Variants in ALDH1A2 observed in about 807,000 individuals in gnomAD.
The protein encoded by ALDH1A2 is retinal dehydrogenase 2.
Under a neutral mutation model 60.3 loss-of-function variants are expected in ALDH1A2, and 27 were observed. The ratio of observed to expected loss-of-function variants is 0.45; its 90% CI spans 0.33 to 0.62. The LOEUF is 0.62. ALDH1A2 is among the 20% of genes least tolerant of loss of function. The pLI is 0.02. For synonymous variants in ALDH1A2, 289 were observed against 232.4 expected (o/e 1.24, Z -2.21); for missense variants, 581 against 643.8 (o/e 0.90, Z 1.06).
At chr15:57,999,904 AC>A (rs1467149599) in intron 4 of ALDH1A2, among the ~76,000 whole-genome samples, 1 of 151,908 alleles carries the variant, frequency 6.6e-6, no homozygotes, top group Non-Finnish European at 1.5e-5. Context: ...TGGGATCATG[AC>A]CTTTGCAGGG....
chr15:58,023,561 G>A (rs1219546339), intron 1 of ALDH1A2, among the ~76,000 whole-genome samples: 2 of 147,896 alleles, frequency 1.4e-5, no homozygotes, highest in Admixed American at 1.4e-4. Flanking sequence ...AAAGCATCTA[G>A]TCACCTATAA....
intron 4 of ALDH1A2, among the ~76,000 whole-genome samples, chr15:58,003,930 C>A (rs1365063485): frequency 6.6e-6 from 1 of 151,730 alleles, no homozygotes; most frequent in Admixed American, 6.6e-5. Flanking sequence ...CATTGGGTAC[C>A]ATGGCAGGAA....
intron 1 of ALDH1A2, among the ~76,000 whole-genome samples, chr15:58,023,218 A>G (rs1420427592): frequency 2.6e-5 from 4 of 152,202 alleles, no homozygotes; most frequent in African/African-American, 9.6e-5. Flanking sequence ...AAAATCTTAG[A>G]ACCAGGCAAA....
At chr15:58,037,878 C>G (rs1896417359) in intron 1 of ALDH1A2, among the ~76,000 whole-genome samples, 1 of 151,710 alleles carries the variant, frequency 6.6e-6, no homozygotes, top group African/African-American at 2.4e-5. Context: ...ACTTTGATAT[C>G]AGTTGAACTC....
chr15:58,026,645 G>A (rs1896087739), intron 1 of ALDH1A2, among the ~76,000 whole-genome samples: 1 of 152,154 alleles, frequency 6.6e-6, no homozygotes, highest in South Asian at 2.1e-4. Flanking sequence ...TGTACGTGGA[G>A]GAACAGTACA....
chr15:58,018,691 T>C (rs990793944), intron 1 of ALDH1A2, among the ~76,000 whole-genome samples: 3 of 152,166 alleles, frequency 2.0e-5, no homozygotes, highest in East Asian at 3.8e-4. Flanking sequence ...GCAGCTGATA[T>C]GATATGCTGA....
chr15:58,002,313 C>T (rs182277684), intron 4 of ALDH1A2, among the ~76,000 whole-genome samples: 4 of 151,894 alleles, frequency 2.6e-5, no homozygotes, highest in Admixed American at 2.0e-4. Flanking sequence ...ACTATATTTG[C>T]GAACTACTGA....
chr15:57,969,526 T>C (rs112862997), intron 7 of ALDH1A2, among the ~76,000 whole-genome samples: 162 of 152,304 alleles, frequency 1.1e-3, no homozygotes, highest in African/African-American at 3.8e-3. Flanking sequence ...TCAGGGATAC[T>C]GTCCCTCCTG....
chr15:57,980,719 C>T (rs1394191159), intron 7 of ALDH1A2: 1 of 158,298 alleles, frequency 6.3e-6, no homozygotes, highest in Non-Finnish European at 1.4e-5. Context: ...CTGGATTGTT[C>T]ATCAGGGATA....
At chr15:57,960,681 G>A (rs1437443546) in intron 12 of ALDH1A2, 89 bp downstream of exon 12, 4 of 1,130,822 alleles carry the variant, frequency 3.5e-6, no homozygotes, top group Admixed American at 1.8e-5. Context: ...ATGGATGAGT[G>A]TAAGATAATT....
intron 1 of ALDH1A2, among the ~76,000 whole-genome samples, chr15:58,050,783 A>C (rs1175812612): frequency 6.6e-6 from 1 of 152,216 alleles, no homozygotes; most frequent in African/African-American, 2.4e-5. Flanking sequence ...CATCACAAAA[A>C]AAGTAAAACC....
chr15:58,029,912 T>C (rs1351907593), intron 1 of ALDH1A2, among the ~76,000 whole-genome samples: 1 of 151,954 alleles, frequency 6.6e-6, no homozygotes, highest in Non-Finnish European at 1.5e-5. Context: ...AACCAAAAAG[T>C]CCAGGACCAG....
intron 7 of ALDH1A2, 68 bp downstream of exon 7, chr15:57,992,637 A>G: frequency 7.0e-7 from 1 of 1,428,672 alleles, no homozygotes; most frequent in Non-Finnish European, 9.9e-7. Context: ...TACTAGTTTT[A>G]TTGTTTTTGT....
intron 7 of ALDH1A2, chr15:57,980,313 A>T (rs1427709556): frequency 7.2e-6 from 3 of 416,008 alleles, no homozygotes; most frequent in African/African-American, 4.1e-5. Flanking sequence ...CCACTCTCAA[A>T]CAGGTTGTTG....
Position 58,045,288 on chromosome 15 carries a change from T to A in ALDH1A2, c.117+20246A>T, listed in dbSNP as rs146522751. Among the ~76,000 whole-genome samples, 866 of 152,176 alleles carry A rather than the reference T, an allele frequency of 5.7e-3. 11 individuals are homozygous for A. The highest frequency in any genetic ancestry group is 0.02 in the African/African-American group (824 of 41,544). ...TGGAGAAACAGGAGCACTTTTACAC[T>A]GTTGGTTGGAGTGTAAATTAGTTCA... is the stretch of plus-strand genomic sequence containing the variant. On this transcript the variant is annotated intron_variant, in intron 1 of 12. Coordinates refer to ENST00000249750, the MANE Select transcript of ALDH1A2 (RefSeq NM_003888.4).
chr15:58,027,675 T>G (rs1337946787), intron 1 of ALDH1A2, among the ~76,000 whole-genome samples: 3 of 152,030 alleles, frequency 2.0e-5, no homozygotes. Context: ...AATGGCTAAC[T>G]AGAATAAACA....
At chr15:57,977,434 G>C (rs1265436138) in intron 7 of ALDH1A2, among the ~76,000 whole-genome samples, 1 of 152,198 alleles carries the variant, frequency 6.6e-6, no homozygotes, top group East Asian at 1.9e-4. Flanking sequence ...GTGTAAGTAA[G>C]GGGTCCAGTT....
At chr15:57,972,003 T>C (rs1225240588) in intron 7 of ALDH1A2, among the ~76,000 whole-genome samples, 4 of 152,220 alleles carry the variant, frequency 2.6e-5, no homozygotes, top group African/African-American at 7.2e-5. Flanking sequence ...GTGCTAGAAT[T>C]ATGGGCGTGA....
intron 1 of ALDH1A2, among the ~76,000 whole-genome samples, chr15:58,035,306 A>C (rs1896350494): frequency 6.6e-6 from 1 of 151,322 alleles, no homozygotes; most frequent in Non-Finnish European, 1.5e-5. Flanking sequence ...TCCCTCTTTC[A>C]TTTCTGATAT....
Sources: allele counts gnomAD v4.1 joint callset (sites outside exome capture counted in the v4.1 genomes callset), GRCh38; gene constraint gnomAD v4.1.1; transcripts MANE v1.5; gene names NCBI Gene and HGNC (gene_info 2026-07-23, HGNC 2026-07-21).